SLC12A3: variants seen among roughly 807,000 people sequenced by gnomAD.
The protein encoded by SLC12A3 is solute carrier family 12 member 3, also known as Na-Cl cotransporter.
A neutral mutation model predicts 121.0 loss-of-function variants in SLC12A3; 104 were observed. The observed-to-expected ratio is 0.86, with a 90% confidence interval of 0.73 to 1.01. The LOEUF (loss-of-function observed/expected upper bound fraction) is 1.01, where lower values mean the gene tolerates loss of function less well. Among genes scored for constraint, SLC12A3 ranks in the 50% least tolerant of loss-of-function variants. The pLI is 0.00. For synonymous variants in SLC12A3, 536 were observed against 533.4 expected, an observed-to-expected ratio of 1.00 and a Z score of -0.07; for missense variants, 1,328 against 1,356.3, an observed-to-expected ratio of 0.98 and a Z score of 0.33.
At chr16:56,906,512 T>G (rs1043205591) in intron 25 of SLC12A3, 3 of 194,116 alleles carry the variant, frequency 1.5e-5, no homozygotes, top group Middle Eastern at 2.0e-3. Context: ...CCTCCCTGGA[T>G]GTCTGAGGAT....
At chr16:56,891,499 G>A (rs1392064373) in intron 19 of SLC12A3, among the ~76,000 whole-genome samples, 2 of 152,128 alleles carry the variant, frequency 1.3e-5, no homozygotes, top group African/African-American at 4.8e-5. Context: ...GCCAGGAGCT[G>A]GGTCCGTTCA....
chr16:56,898,228 G>A (rs2055491852), intron 22 of SLC12A3, among the ~76,000 whole-genome samples: 1 of 151,696 alleles, frequency 6.6e-6, no homozygotes, highest in South Asian at 2.1e-4. Context: ...GCCCAGGCAG[G>A]TGTATTTTTT....
intron 15 of SLC12A3, among the ~76,000 whole-genome samples, chr16:56,885,630 T>G (rs577564970): frequency 6.6e-6 from 1 of 152,282 alleles, no homozygotes; most frequent in Admixed American, 6.5e-5. Context: ...AGGTGATTGT[T>G]GCTGCAGCTC....
Position 56,887,071 on chromosome 16 carries a change from G to A in SLC12A3, c.2156G>A (p.Arg719Lys), listed in dbSNP as rs143427711. 1 of 1,613,888 alleles carries A rather than the reference G, an allele frequency of 6.2e-7. No homozygotes were observed. Among genetic ancestry groups the A allele is most frequent in the African/African-American group, 1.3e-5 (1 of 74,938 alleles). Residue 719 changes from arginine (R) to lysine (K), a missense_variant, in exon 17 of 26, where the codon AGA becomes AAA. By Grantham distance (26) the Arg-to-Lys change is conservative (BLOSUM62 2). Coordinates refer to ENST00000563236, the MANE Select transcript of SLC12A3 (RefSeq NM_001126108.2). Reference sequence around the variant, plus strand: ...GATGTCATTGCCGAGGACCTCCGCAGAGGCGTCCAGATCCTCATGCAGGTG... The same window carrying A: ...GATGTCATTGCCGAGGACCTCCGCAAAGGCGTCCAGATCCTCATGCAGGTG... ...YSDVIAEDLR[R>K]GVQILMQAAG...
In SLC12A3 at chr16:56,915,766, T is replaced by C. The variant is rs1022450011; in HGVS notation, c.*2361T>C. The C allele has an allele frequency of 6.6e-5, 10 of 152,160 alleles. No individual in the cohort carries two copies. Among genetic ancestry groups the C allele is most frequent in the African/African-American group, 2.4e-4 (10 of 41,420 alleles). The allele number at this position is 152,160 out of a possible 1,614,324, so 9.4% of individuals were successfully genotyped here. ...AATAGTATGTTTTTAACAATAGTAATAGCTTTGTAAAAAAATAAAAAGCTT... is the reference window on the plus strand; with the variant it reads ...AATAGTATGTTTTTAACAATAGTAACAGCTTTGTAAAAAAATAAAAAGCTT... On this transcript the variant is annotated 3_prime_UTR_variant, in exon 26 of 26. Transcript: ENST00000563236.
intron 8 of SLC12A3, among the ~76,000 whole-genome samples, chr16:56,877,180 T>C (rs1469258394): frequency 6.6e-6 from 1 of 152,170 alleles, no homozygotes; most frequent in Middle Eastern, 3.4e-3. Flanking sequence ...TCACTTGAGG[T>C]CAGGAGTTCA....
Position 56,885,383 on chromosome 16 carries a change from A to T in SLC12A3, c.1925+19A>T. On this transcript the variant is annotated intron_variant, in intron 15 of 25. Transcript: ENST00000563236. The stretch of plus-strand genomic sequence containing the variant: ...ACTACCGGTGAGCAGAGCTGCTGGG[A>T]CCCACCTGGGACCCCAGGGCCAGTG... The T allele has an allele frequency of 4.8e-6, 7 of 1,468,780 alleles. No individual in the cohort carries two copies. Among genetic ancestry groups the T allele is most frequent in the Non-Finnish European group, 5.6e-6 (6 of 1,071,482 alleles). 91.0% of individuals were successfully genotyped at this position (1,468,780 alleles called of 1,614,324 possible). A position where few individuals can be genotyped will look rare whatever the true frequency, so the allele number is the denominator to read the frequency against.
chr16:56,898,384 G>A (rs1238158310), intron 22 of SLC12A3, among the ~76,000 whole-genome samples: 1 of 151,896 alleles, frequency 6.6e-6, no homozygotes, highest in Non-Finnish European at 1.5e-5. Flanking sequence ...TCAGCCTCCC[G>A]AGTAGCTGGG....
chr16:56,904,210 T>G, intron 24 of SLC12A3, 185 bp from the exon 25 acceptor site: 1 of 610,748 alleles, frequency 1.6e-6, no homozygotes, highest in South Asian at 1.7e-5. Context: ...GTGAGCTTGG[T>G]GCTCCATTAC....
At chr16:56,903,170 C>G (rs1323713820) in intron 24 of SLC12A3, among the ~76,000 whole-genome samples, 1 of 150,930 alleles carries the variant, frequency 6.6e-6, no homozygotes, top group East Asian at 1.9e-4. Flanking sequence ...AAAAAATTGT[C>G]CTGTGGGCCA....
At chr16:56,885,413 C>T (rs772236500) in intron 15 of SLC12A3, 49 bp downstream of exon 15, 2 of 1,230,900 alleles carry the variant, frequency 1.6e-6, no homozygotes, top group South Asian at 2.6e-5. Flanking sequence ...CCAGTGATGG[C>T]TCCACCCTGG....
chr16:56,907,845 T>C lies in SLC12A3; in HGVS notation c.2924+3383T>C, dbSNP rs79615535. ...GGATATGGATTTCAACGTGTGAATT[T>C]TGGGGGGACATGAATATTCAGACTG... On this transcript the variant is annotated intron_variant, in intron 25 of 25. Transcript: ENST00000563236. Among the ~76,000 whole-genome samples the C allele has an allele frequency of 5.4e-3, 816 of 152,332 alleles. 14 individuals carry two copies. The highest frequency in any genetic ancestry group is 0.019 in the African/African-American group (775 of 41,560).
chr16:56,879,681 G>T (rs146738949), intron 11 of SLC12A3, 32 bp downstream of exon 11: 2 of 1,537,616 alleles, frequency 1.3e-6, no homozygotes, highest in African/African-American at 1.4e-5. Flanking sequence ...GAGATGACAG[G>T]GGGTGGGGAG....
chr16:56,885,508 G>A, intron 15 of SLC12A3, 144 bp downstream of exon 15: 1 of 697,538 alleles, frequency 1.4e-6, no homozygotes, highest in South Asian at 1.5e-5. Flanking sequence ...CAGACATGGA[G>A]GAGCCACCCA....
At chr16:56,884,857 C>T (rs1357841515) in intron 14 of SLC12A3, among the ~76,000 whole-genome samples, 1 of 152,112 alleles carries the variant, frequency 6.6e-6, no homozygotes, top group East Asian at 1.9e-4. Flanking sequence ...ACCTCCACCT[C>T]CCGGGTTCAA....
intron 6 of SLC12A3, 48 bp downstream of exon 6, chr16:56,870,784 A>C: frequency 8.2e-7 from 1 of 1,212,660 alleles, no homozygotes. Context: ...CACGTGGAGA[A>C]GCGGGGGTTG....
chr16:56,909,251 G>A (rs1190473851), intron 25 of SLC12A3, among the ~76,000 whole-genome samples: 1 of 150,562 alleles, frequency 6.6e-6, no homozygotes, highest in African/African-American at 2.5e-5. Context: ...TCGAGCCCAG[G>A]AGTTGGAGAA....
intron 6 of SLC12A3, 104 bp downstream of exon 6, chr16:56,870,840 C>CTTT (rs71152213): frequency 6.2e-5 from 35 of 568,262 alleles, no homozygotes; most frequent in South Asian, 1.4e-4. Context: ...TTTTTCTTTT[C>CTTT]TTTTTTTTTT....
rs1320980443 is a variant in SLC12A3, at chr16:56,914,282, T to C, written c.*877T>C. 6.6e-6 allele frequency: 1 copy of C among 152,224 alleles called. No individual in the cohort carries two copies. Among genetic ancestry groups the C allele is most frequent in the African/African-American group, 2.4e-5 (1 of 41,450 alleles). 9.4% of individuals were successfully genotyped at this position (152,224 alleles called of 1,614,324 possible). A position where few individuals can be genotyped will look rare whatever the true frequency, so the allele number is the denominator to read the frequency against. On this transcript the variant is annotated 3_prime_UTR_variant, in exon 26 of 26. Coordinates refer to ENST00000563236, the MANE Select transcript of SLC12A3 (RefSeq NM_001126108.2). ...GGTCTTTGATGTCTTCACTGGTTCT[T>C]TGGACGAGGGACTTTTCGAACTTTT...
Sources: allele counts gnomAD v4.1 joint callset (sites outside exome capture counted in the v4.1 genomes callset), GRCh38; gene constraint gnomAD v4.1.1; transcripts MANE v1.5; gene names NCBI Gene and HGNC (gene_info 2026-07-23, HGNC 2026-07-21).